Variants in TNNI3K observed in about 807,000 individuals in gnomAD.
The protein encoded by TNNI3K is serine/threonine-protein kinase TNNI3K.
A neutral mutation model predicts 114.5 loss-of-function variants in TNNI3K; 140 were observed. That is an observed-to-expected ratio of 1.22 (90% CI 1.07 to 1.41). TNNI3K has a LOEUF of 1.41. Among genes scored for constraint, TNNI3K ranks in the 40% most tolerant of loss-of-function variants. The pLI is 0.00. For synonymous variants in TNNI3K, 347 were observed against 347.5 expected (o/e 1.00, Z 0.02); for missense variants, 1,125 against 1,007.6 (o/e 1.12, Z -1.58).
At chr1:74,272,482 G>C (rs766183291) in intron 5 of TNNI3K, among the ~76,000 whole-genome samples, 1 of 151,726 alleles carries the variant, frequency 6.6e-6, no homozygotes, top group Non-Finnish European at 1.5e-5. Context: ...TGTAAAAGGA[G>C]AGAAAAGAAT....
At chr1:74,436,250 C>T (rs552722397) in intron 18 of TNNI3K, 118 bp downstream of exon 18, 1 of 1,320,474 alleles carries the variant, frequency 7.6e-7, no homozygotes, top group East Asian at 2.3e-5. Context: ...ACACTGAACA[C>T]TGACAGCTAT....
intron 23 of TNNI3K, among the ~76,000 whole-genome samples, chr1:74,521,283 T>C (rs1303443372): frequency 6.6e-6 from 1 of 152,194 alleles, no homozygotes; most frequent in Non-Finnish European, 1.5e-5. Flanking sequence ...TTCTTTCTAG[T>C]TGCTCTTTGC....
chr1:74,540,594 C>A (rs1646714670), intron 24 of TNNI3K, among the ~76,000 whole-genome samples: 1 of 95,314 alleles, frequency 1.0e-5, no homozygotes, highest in Non-Finnish European at 2.1e-5. Flanking sequence ...GAAAAAAGTA[C>A]AACTCTTTTT....
intron 7 of TNNI3K, among the ~76,000 whole-genome samples, chr1:74,340,163 G>T (rs535937486): frequency 6.6e-6 from 1 of 151,874 alleles, no homozygotes; most frequent in Non-Finnish European, 1.5e-5. Flanking sequence ...TATTTTTAGG[G>T]TCAATAAGCG....
chr1:74,377,816 C>T (rs1328839054), intron 17 of TNNI3K, among the ~76,000 whole-genome samples: 2 of 152,006 alleles, frequency 1.3e-5, no homozygotes, highest in East Asian at 3.9e-4. Context: ...AACACAACTC[C>T]CATGGAAACT....
At chr1:74,388,161 C>G (rs1272934596) in intron 17 of TNNI3K, among the ~76,000 whole-genome samples, 4 of 151,994 alleles carry the variant, frequency 2.6e-5, no homozygotes, top group Non-Finnish European at 5.9e-5. Flanking sequence ...GCCTGTAGTC[C>G]CAGCTACTCA....
intron 4 of TNNI3K, among the ~76,000 whole-genome samples, chr1:74,270,049 T>C (rs1378322051): frequency 4.0e-5 from 6 of 151,802 alleles, no homozygotes; most frequent in African/African-American, 7.2e-5. Flanking sequence ...CCTTTAGAAA[T>C]TGAAGAAGTG....
Position 74,436,469 on chromosome 1 carries a change from C to T in TNNI3K, c.1826-5C>T. Reference sequence around the variant, plus strand: ...TTGACGTGATTTATTTTCTCTTTCCCTCAGAATCAAGATTTCTACAGTCTC... The same window carrying T: ...TTGACGTGATTTATTTTCTCTTTCCTTCAGAATCAAGATTTCTACAGTCTC... On this transcript the variant is annotated splice_region_variant and splice_polypyrimidine_tract_variant and intron_variant, in intron 18 of 24. Coordinates refer to ENST00000326637, the MANE Select transcript of TNNI3K (RefSeq NM_015978.3). The T allele has an allele frequency of 6.3e-7, 1 of 1,575,240 alleles. No homozygotes were observed. Among genetic ancestry groups the T allele is most frequent in the Non-Finnish European group, 8.6e-7 (1 of 1,169,530 alleles).
At chr1:74,510,799 C>G (rs1326706345) in intron 23 of TNNI3K, among the ~76,000 whole-genome samples, 1 of 152,228 alleles carries the variant, frequency 6.6e-6, no homozygotes, top group Non-Finnish European at 1.5e-5. Context: ...TCTAGGTACA[C>G]AGCACTGTGT....
chr1:74,438,649 ACT>A (rs1343123303), intron 19 of TNNI3K, among the ~76,000 whole-genome samples: 1 of 152,048 alleles, frequency 6.6e-6, no homozygotes, highest in African/African-American at 2.4e-5. Flanking sequence ...TCATCTCCTA[ACT>A]CTAAATCCAG....
intron 5 of TNNI3K, among the ~76,000 whole-genome samples, chr1:74,309,895 G>A (rs1333824787): frequency 6.6e-6 from 1 of 152,060 alleles, no homozygotes; most frequent in Non-Finnish European, 1.5e-5. Flanking sequence ...CCAAGAACTA[G>A]TACAAAACAA....
chr1:74,406,100 A>G (rs902798226), intron 17 of TNNI3K, among the ~76,000 whole-genome samples: 1 of 152,162 alleles, frequency 6.6e-6, no homozygotes, highest in African/African-American at 2.4e-5. Context: ...GCTGGAAAGA[A>G]CCCACTTCTG....
intron 5 of TNNI3K, among the ~76,000 whole-genome samples, chr1:74,300,880 A>C (rs1658283531): frequency 6.6e-6 from 1 of 152,114 alleles, no homozygotes; most frequent in African/African-American, 2.4e-5. Flanking sequence ...TCTCTAACGT[A>C]ATCATAATAA....
chr1:74,366,139 T>C (rs1358375), intron 11 of TNNI3K, among the ~76,000 whole-genome samples: 7,473 of 152,080 alleles, frequency 0.049, 210 homozygotes, highest in East Asian at 0.091. Context: ...GATGTATGCT[T>C]AACCCATGTT....
intron 23 of TNNI3K, 56 bp downstream of exon 23, chr1:74,492,322 A>G (rs755164823): frequency 6.2e-5 from 88 of 1,409,226 alleles, no homozygotes; most frequent in Non-Finnish European, 8.0e-5. Flanking sequence ...AATCTTATCA[A>G]GACAGTCAAC....
chr1:74,510,608 A>C (rs973379393), intron 23 of TNNI3K, among the ~76,000 whole-genome samples: 1 of 152,224 alleles, frequency 6.6e-6, no homozygotes, highest in East Asian at 1.9e-4. Flanking sequence ...CTTGTCTATA[A>C]TTTGTTCAAA....
intron 23 of TNNI3K, among the ~76,000 whole-genome samples, chr1:74,506,433 A>G (rs746396770): frequency 6.6e-6 from 1 of 152,204 alleles, no homozygotes; most frequent in Non-Finnish European, 1.5e-5. Flanking sequence ...TCCAAAGCCC[A>G]TGATTTTTTT....
chr1:74,496,174 C>G (rs956072331), intron 23 of TNNI3K, among the ~76,000 whole-genome samples: 3 of 152,092 alleles, frequency 2.0e-5, no homozygotes, highest in African/African-American at 7.2e-5. Flanking sequence ...AAGAAACATG[C>G]TGAAAGAGAA....
intron 17 of TNNI3K, among the ~76,000 whole-genome samples, chr1:74,382,537 T>G (rs1051399989): frequency 6.6e-6 from 1 of 152,224 alleles, no homozygotes; most frequent in African/African-American, 2.4e-5. Flanking sequence ...TGAAAGGTTT[T>G]GTTGTTACTA....
Sources: gnomAD v4.1 joint callset for allele counts (sites outside exome capture counted in the v4.1 genomes callset) on GRCh38, gnomAD v4.1.1 for gene constraint, MANE v1.5 for transcripts, NCBI Gene and HGNC (gene_info 2026-07-23, HGNC 2026-07-21) for gene names.